The following FNIP2 variants were observed in gnomAD, a reference collection of about 807,000 sequenced individuals.
The protein encoded by FNIP2 is folliculin interacting protein 2, also known as folliculin-interacting protein 2.
Under a neutral mutation model 108.7 loss-of-function variants are expected in FNIP2, and 32 were observed. The observed-to-expected ratio is 0.29, with a 90% CI of 0.22 to 0.40. FNIP2 has a LOEUF of 0.40. FNIP2 is among the 10% of genes least tolerant of loss of function. The probability of loss-of-function intolerance (pLI) is 1.00; values close to 1 mark genes in which losing one functional copy is unlikely to be tolerated. For missense variants in FNIP2, 1,202 were observed against 1,381.6 expected (o/e 0.87, Z 2.06); for synonymous variants, 480 against 496.7 (o/e 0.97, Z 0.45).
chr4:158,813,709 T>C (rs1777409149), intron 1 of FNIP2, among the ~76,000 whole-genome samples: 1 of 152,240 alleles, frequency 6.6e-6, no homozygotes, highest in Non-Finnish European at 1.5e-5. Flanking sequence ...ATGATTTCTT[T>C]CGTAGACCAC....
In FNIP2 at chr4:158,879,492, C is replaced by T. The variant is rs563990010; in HGVS notation, c.2949+9023C>T. Among the ~76,000 whole-genome samples the T allele has an allele frequency of 2.5e-4, 38 of 150,382 alleles. 2 individuals are homozygous for T. Among genetic ancestry groups the T allele is most frequent in the East Asian group, 7.8e-4 (4 of 5,096 alleles). On this transcript the variant is annotated intron_variant, in intron 14 of 16. Coordinates refer to ENST00000264433, the MANE Select transcript of FNIP2 (RefSeq NM_020840.3). ...TTTTTCAGGGAACTGAAGCCCCTTT[C>T]GCTGATGACCCCTTCAGCATATCTC...
At chr4:158,893,673 A>G in intron 15 of FNIP2, 1 of 1,581,920 alleles carries the variant, frequency 6.3e-7, no homozygotes, top group Non-Finnish European at 8.6e-7. Flanking sequence ...TCTCCTTCTA[A>G]AAGCAGGTTG....
chr4:158,886,811 G>A lies in FNIP2; in HGVS notation c.2950-4635G>A, dbSNP rs77868317. On this transcript the variant is annotated intron_variant, in intron 14 of 16. Coordinates refer to ENST00000264433, the MANE Select transcript of FNIP2 (RefSeq NM_020840.3). ...TTTTCATTTGGAACTCTGAAATGAG[G>A]ACCTGATTAATCTGAGACAATAATG... is the stretch of plus-strand genomic sequence containing the variant. Among the ~76,000 whole-genome samples the A allele has an allele frequency of 1.8e-4, 28 of 152,254 alleles. No homozygotes were observed. The East Asian group carries it at 5.0e-3, about 27-fold the overall frequency.
intron 1 of FNIP2, among the ~76,000 whole-genome samples, chr4:158,811,169 G>T (rs1163194840): frequency 6.6e-6 from 1 of 152,130 alleles, no homozygotes; most frequent in Non-Finnish European, 1.5e-5. Context: ...TTCCCAAGGG[G>T]ATATTTAGGT....
chr4:158,833,719 T>G, intron 6 of FNIP2, 91 bp downstream of exon 6: 1 of 1,475,012 alleles, frequency 6.8e-7, no homozygotes, highest in Admixed American at 1.8e-5. Flanking sequence ...GTGGGTTTTT[T>G]TTTTTGCGTT....
intron 7 of FNIP2, among the ~76,000 whole-genome samples, chr4:158,839,082 A>G (rs1170804377): frequency 6.6e-6 from 1 of 152,148 alleles, no homozygotes; most frequent in East Asian, 1.9e-4. Flanking sequence ...TGGCTGAGGA[A>G]GTGTTTGTCA....
chr4:158,778,819 A>G (rs74996130), intron 1 of FNIP2, among the ~76,000 whole-genome samples: 8,961 of 152,282 alleles, frequency 0.059, 324 homozygotes, highest in African/African-American at 0.099. Flanking sequence ...CTACTGATGG[A>G]GTATTTACTT....
At chr4:158,882,369 G>A (rs903384203) in intron 14 of FNIP2, among the ~76,000 whole-genome samples, 7 of 151,030 alleles carry the variant, frequency 4.6e-5, no homozygotes, top group South Asian at 2.1e-4. Context: ...CGCCCCGTCC[G>A]GGAGGGAGGT....
At chr4:158,846,106 C>T (rs1397560429) in intron 7 of FNIP2, among the ~76,000 whole-genome samples, 1 of 152,098 alleles carries the variant, frequency 6.6e-6, no homozygotes, top group East Asian at 1.9e-4. Flanking sequence ...TAACATTTAT[C>T]GTGTGGGTGA....
At chr4:158,835,787 G>T in intron 7 of FNIP2, 1 of 184,008 alleles carries the variant, frequency 5.4e-6, no homozygotes, top group Non-Finnish European at 1.2e-5. Context: ...GTTGAGTATA[G>T]ACTCAGAGGA....
Position 158,868,240 on chromosome 4 carries a change from T to C in FNIP2, c.1604T>C (p.Leu535Pro), listed in dbSNP as rs1360794618. ...TGCTCTGAGCTACAAGAGAACCAGC[T>C]GACCTGGAGTGGCAATCATGGTGAA... ...LRCSELQENQ[L>P]TWSGNHGEGD... Residue 535 changes from leucine to proline, a missense_variant, in exon 13 of 17, where the codon CTG (leucine) becomes CCG (proline). Leu to Pro is a moderately conservative substitution (Grantham distance 98). Coordinates refer to ENST00000264433, the MANE Select transcript of FNIP2 (RefSeq NM_020840.3). The surrounding 1 kb of genome is among the most constrained non-coding windows in gnomAD (Gnocchi z 4.6). 1.2e-6 allele frequency: 2 copies of C among 1,614,080 alleles called. No individual in the cohort carries two copies. Among genetic ancestry groups the C allele is most frequent in the South Asian group, 1.1e-5 (1 of 91,086 alleles).
At position 158,829,207 on chromosome 4, in the gene FNIP2, A is replaced by G. The variant is rs1778326141; in HGVS notation, c.363A>G (p.Glu121=). The change falls in exon 3 of 17, where the codon GAA becomes GAG. Residue 121 remains glutamate (E), a synonymous_variant. Coordinates refer to ENST00000264433, the MANE Select transcript of FNIP2 (RefSeq NM_020840.3). ...GGGGATCTTCACATCATGCTAAGGA[A>G]CAGCTTCCAAAGTACCAGGTACAAC... ...SSGGSSHHAK[E]QLPKYQYTRP... 19 of 1,611,760 alleles carry G rather than the reference A, an allele frequency of 1.2e-5. No homozygotes were observed. In the East Asian group the frequency reaches 4.0e-4, roughly 34 times the overall value.
At chr4:158,808,036 T>C (rs1777069688) in intron 1 of FNIP2, among the ~76,000 whole-genome samples, 1 of 152,242 alleles carries the variant, frequency 6.6e-6, no homozygotes, top group Admixed American at 6.5e-5. Context: ...TCCCTAGCTC[T>C]GCTGCCCAGG....
intron 1 of FNIP2, among the ~76,000 whole-genome samples, chr4:158,821,034 CTG>C (rs1777857615): frequency 6.6e-6 from 1 of 152,180 alleles, no homozygotes; most frequent in Non-Finnish European, 1.5e-5. Context: ...GAACTAGTGT[CTG>C]TCATGTTTCA....
At chr4:158,831,146 A>G (rs1778460630) in intron 3 of FNIP2, among the ~76,000 whole-genome samples, 1 of 152,194 alleles carries the variant, frequency 6.6e-6, no homozygotes, top group Non-Finnish European at 1.5e-5. Context: ...TAATAAAGCA[A>G]ACTGGAAAGG....
intron 16 of FNIP2, among the ~76,000 whole-genome samples, chr4:158,903,528 T>C (rs1322718122): frequency 6.6e-6 from 1 of 152,190 alleles, no homozygotes; most frequent in African/African-American, 2.4e-5. Flanking sequence ...CGTGTAATCA[T>C]AAGCTTTTAT....
rs767636963 is a variant in FNIP2, at chr4:158,769,311, C to A, written c.99C>A (p.Pro33=). The A allele has an allele frequency of 1.5e-5, 23 of 1,506,624 alleles. No individual in the cohort carries two copies. Among genetic ancestry groups the A allele is most frequent in the Non-Finnish European group, 2.0e-5 (23 of 1,128,462 alleles). 93.3% of individuals were successfully genotyped at this position (1,506,624 alleles called of 1,614,324 possible). A position where few individuals can be genotyped will look rare whatever the true frequency, so the allele number is the denominator to read the frequency against. ...AGGGCAGGGCTCCTAAGGAAGGACCCGCCTTTAGGTGAGGGGGCGCCGGGG... is the reference window on the plus strand; with the variant it reads ...AGGGCAGGGCTCCTAAGGAAGGACCAGCCTTTAGGTGAGGGGGCGCCGGGG... ...SAQGRAPKEG[P]AFSWSCSEFD... is the part of the protein sequence containing the mutation. The change falls in exon 1 of 17, where the codon CCC becomes CCA. Residue 33 remains proline (P), a synonymous_variant. Coordinates refer to ENST00000264433, the MANE Select transcript of FNIP2 (RefSeq NM_020840.3).
chr4:158,835,359 T>C (rs918578460), intron 6 of FNIP2, 46 bp from the exon 7 acceptor site: 4 of 1,558,874 alleles, frequency 2.6e-6, no homozygotes, highest in Middle Eastern at 3.4e-4. Context: ...AAAAACTTTA[T>C]CTCTGAAGAG....
chr4:158,881,419 C>CCTCTCT (rs577647202), intron 14 of FNIP2, among the ~76,000 whole-genome samples: 1 of 5,036 alleles, frequency 2.0e-4, no homozygotes, highest in African/African-American at 6.7e-4. Context: ...TCTCCCTCTC[C>CCTCTCT]CTCTCTTTCC....
Sources: gnomAD v4.1 joint callset for allele counts (sites outside exome capture counted in the v4.1 genomes callset) on GRCh38, gnomAD v4.1.1 for gene constraint, Gnocchi (gnomAD v3.1) non-coding constraint, MANE v1.5 for transcripts, NCBI Gene and HGNC (gene_info 2026-07-23, HGNC 2026-07-21) for gene names.